Variants in PARD3B observed in about 807,000 individuals in gnomAD.
The protein encoded by PARD3B is partitioning defective 3 homolog B.
A neutral mutation model predicts 130.2 loss-of-function variants in PARD3B; 103 were observed. The ratio of observed to expected loss-of-function variants is 0.79; its 90% confidence interval spans 0.67 to 0.93. PARD3B has a LOEUF of 0.93. PARD3B is among the 40% of genes least tolerant of loss of function. PARD3B has a pLI of 0.00. For missense variants in PARD3B, 1,609 were observed against 1,499.2 expected, an observed-to-expected ratio of 1.07 and a Z score of -1.21; for synonymous variants, 583 against 553.2, an observed-to-expected ratio of 1.05 and a Z score of -0.76.
chr2:205,441,651 A>C (rs993448331), intron 20 of PARD3B, among the ~76,000 whole-genome samples: 1 of 152,130 alleles, frequency 6.6e-6, no homozygotes, highest in Non-Finnish European at 1.5e-5. Context: ...GATATATTGC[A>C]TATGTTTACC....
chr2:205,056,620 C>G (rs1372836575), intron 4 of PARD3B, among the ~76,000 whole-genome samples: 1 of 151,556 alleles, frequency 6.6e-6, no homozygotes, highest in East Asian at 1.9e-4. Flanking sequence ...TTTAGCAAAT[C>G]TTTTTTAACT....
intron 3 of PARD3B, among the ~76,000 whole-genome samples, chr2:204,977,319 A>G (rs1445539689): frequency 6.6e-6 from 1 of 152,132 alleles, no homozygotes; most frequent in Non-Finnish European, 1.5e-5. Context: ...CATGCTGTCT[A>G]TGTTTGACAG....
chr2:204,744,228 A>G (rs969663527), intron 2 of PARD3B, among the ~76,000 whole-genome samples: 4 of 152,092 alleles, frequency 2.6e-5, no homozygotes, highest in Non-Finnish European at 4.4e-5. Context: ...TCCAACTTGG[A>G]CCATATATTC....
chr2:205,195,486 A>G (rs1319552109), intron 15 of PARD3B, among the ~76,000 whole-genome samples: 1 of 152,226 alleles, frequency 6.6e-6, no homozygotes, highest in Non-Finnish European at 1.5e-5. Flanking sequence ...TTCTCCCCAG[A>G]ACAGTCAAGT....
At chr2:204,663,927 G>C (rs1475419313) in intron 1 of PARD3B, among the ~76,000 whole-genome samples, 2 of 152,184 alleles carry the variant, frequency 1.3e-5, no homozygotes, top group Admixed American at 6.5e-5. Context: ...TGCATTCGCT[G>C]AAGTTGTAAA....
At chr2:204,835,522 C>T (rs553816852) in intron 2 of PARD3B, among the ~76,000 whole-genome samples, 28 of 152,262 alleles carry the variant, frequency 1.8e-4, no homozygotes, top group African/African-American at 6.3e-4. Context: ...ATCCCCTGCT[C>T]CGTTTGCCAC....
intron 4 of PARD3B, among the ~76,000 whole-genome samples, chr2:205,065,556 G>A (rs1027321067): frequency 2.6e-5 from 4 of 152,118 alleles, no homozygotes; most frequent in African/African-American, 9.7e-5. Context: ...GTGTAGCCGT[G>A]TTGGGAAGTG....
intron 20 of PARD3B, among the ~76,000 whole-genome samples, chr2:205,469,948 G>A (rs1409717980): frequency 6.6e-6 from 1 of 152,166 alleles, no homozygotes; most frequent in Non-Finnish European, 1.5e-5. Flanking sequence ...AATATAATTT[G>A]TAAGTACCAG....
At chr2:204,902,668 C>CAAAAAAA (rs5837941) in intron 2 of PARD3B, among the ~76,000 whole-genome samples, 3 of 67,642 alleles carry the variant, frequency 4.4e-5, no homozygotes, top group African/African-American at 1.7e-4. Flanking sequence ...GACTCTGTCT[C>CAAAAAAA]AAAAAAAAAA....
chr2:205,224,248 G>C (rs2038402846), intron 15 of PARD3B, among the ~76,000 whole-genome samples: 1 of 142,908 alleles, frequency 7.0e-6, no homozygotes, highest in Non-Finnish European at 1.5e-5. Context: ...GCAGGTGCCT[G>C]TAGTCCCAGC....
intron 11 of PARD3B, among the ~76,000 whole-genome samples, chr2:205,159,691 C>T (rs143310383): frequency 2.0e-5 from 3 of 152,294 alleles, no homozygotes; most frequent in Non-Finnish European, 2.9e-5. Flanking sequence ...GAAGGATACA[C>T]GTTTGCACCT....
chr2:204,560,862 G>A (rs2031265306), intron 1 of PARD3B, among the ~76,000 whole-genome samples: 1 of 152,146 alleles, frequency 6.6e-6, no homozygotes, highest in African/African-American at 2.4e-5. Context: ...CTGTTGGAGT[G>A]GAGGTTAGAT....
At chr2:205,312,827 A>G (rs910968126) in intron 18 of PARD3B, among the ~76,000 whole-genome samples, 12 of 152,068 alleles carry the variant, frequency 7.9e-5, no homozygotes, top group African/African-American at 2.9e-4. Context: ...TTCCATTATT[A>G]CTATCACAGG....
intron 2 of PARD3B, among the ~76,000 whole-genome samples, chr2:204,810,153 G>A (rs2042914909): frequency 6.6e-6 from 1 of 152,010 alleles, no homozygotes; most frequent in African/African-American, 2.4e-5. Context: ...GGCTGAGACT[G>A]TAGAGTTTTC....
At chr2:204,983,432 G>A (rs1170378103) in intron 3 of PARD3B, among the ~76,000 whole-genome samples, 1 of 151,466 alleles carries the variant, frequency 6.6e-6, no homozygotes, top group Non-Finnish European at 1.5e-5. Flanking sequence ...GGGGAGGAGA[G>A]AAGTCAGTTT....
intron 18 of PARD3B, among the ~76,000 whole-genome samples, chr2:205,318,001 A>G (rs554196890): frequency 6.6e-5 from 10 of 152,290 alleles, no homozygotes; most frequent in Admixed American, 5.9e-4. Flanking sequence ...TAAAAATATT[A>G]TATAATTCAA....
At chr2:205,536,891 A>C (rs1056205463) in intron 21 of PARD3B, among the ~76,000 whole-genome samples, 55 of 152,194 alleles carry the variant, frequency 3.6e-4, no homozygotes, top group Admixed American at 3.3e-3. Flanking sequence ...TTATAGATGG[A>C]CATGGCATTA....
intron 3 of PARD3B, among the ~76,000 whole-genome samples, chr2:205,034,516 C>T (rs1023686738): frequency 1.3e-5 from 2 of 152,044 alleles, no homozygotes; most frequent in African/African-American, 2.4e-5. Context: ...TTTAGGCATT[C>T]GGTAAATATT....
chr2:204,774,359 T>C (rs2041521017), intron 2 of PARD3B, among the ~76,000 whole-genome samples: 1 of 152,074 alleles, frequency 6.6e-6, no homozygotes, highest in East Asian at 1.9e-4. Context: ...TAATAGTCCA[T>C]GTAATTGTTT....
Sources: gnomAD v4.1 joint callset for allele counts (sites outside exome capture counted in the v4.1 genomes callset) on GRCh38, gnomAD v4.1.1 for gene constraint, MANE v1.5 for transcripts, NCBI Gene and HGNC (gene_info 2026-07-23, HGNC 2026-07-21) for gene names.